ACYP2: variants seen among roughly 807,000 people sequenced by gnomAD.
ACYP2 encodes acylphosphatase 2, also known as acylphosphatase-2.
ACYP2 carries 12 observed loss-of-function variants against 11.2 expected under a neutral mutation model. The ratio of observed to expected loss-of-function variants is 1.08; its 90% CI spans 0.69 to 1.74. The LOEUF (loss-of-function observed/expected upper bound fraction) is 1.74. ACYP2 is among the 40% of genes most tolerant of loss of function. The pLI, the probability that ACYP2 is intolerant of heterozygous loss-of-function variation, is 0.00. For synonymous variants in ACYP2, 43 were observed against 32.2 expected, an observed-to-expected ratio of 1.33 and a Z score of -1.13; for missense variants, 134 against 101.9, an observed-to-expected ratio of 1.31 and a Z score of -1.35.
chr2:54,065,782 A>T (rs772478127), intron 4 of ACYP2: 1 of 327,998 alleles, frequency 3.0e-6, no homozygotes, highest in Admixed American at 4.8e-5. Flanking sequence ...ATTTAAGAGC[A>T]TTGTTTAAAT....
intron 6 of ACYP2, among the ~76,000 whole-genome samples, chr2:54,176,563 A>G (rs1209960839): frequency 1.3e-5 from 2 of 152,222 alleles, no homozygotes; most frequent in Admixed American, 1.3e-4. Flanking sequence ...GGAACAACAG[A>G]AAATTAGTTT....
At chr2:54,000,106 C>G (rs1186011868) in intron 2 of ACYP2, among the ~76,000 whole-genome samples, 1 of 151,438 alleles carries the variant, frequency 6.6e-6, no homozygotes, top group Non-Finnish European at 1.5e-5. Context: ...TTTCTATATA[C>G]TTATTTCTAT....
chr2:54,244,037 AATT>A (rs1686842981), intron 6 of ACYP2, among the ~76,000 whole-genome samples: 1 of 151,668 alleles, frequency 6.6e-6, no homozygotes, highest in Non-Finnish European at 1.5e-5. Flanking sequence ...CTAGTATTTT[AATT>A]ATTTCATTTT....
intron 4 of ACYP2, among the ~76,000 whole-genome samples, chr2:54,111,334 C>T (rs1679448844): frequency 6.6e-6 from 1 of 152,074 alleles, no homozygotes. Flanking sequence ...TTCCCATTTT[C>T]AGCTAGGTAG....
intron 6 of ACYP2, among the ~76,000 whole-genome samples, chr2:54,177,595 G>C (rs1489607505): frequency 1.8e-5 from 2 of 112,966 alleles, no homozygotes; most frequent in Non-Finnish European, 3.2e-5. Context: ...TTTTTTTTCT[G>C]GAAACGGAGT....
chr2:54,191,974 T>A (rs960659627), intron 6 of ACYP2, among the ~76,000 whole-genome samples: 1 of 152,208 alleles, frequency 6.6e-6, no homozygotes, highest in African/African-American at 2.4e-5. Flanking sequence ...ACCCAATACA[T>A]ATTTATTGAG....
chr2:54,115,870 C>G, intron 4 of ACYP2, 114 bp downstream of exon 1: 1 of 1,310,088 alleles, frequency 7.6e-7, no homozygotes, highest in African/African-American at 1.6e-5. Flanking sequence ...CTGGGACTTC[C>G]GCTCCGCCAT....
At chr2:54,049,859 A>G (rs1675740284) in intron 2 of ACYP2, among the ~76,000 whole-genome samples, 1 of 152,180 alleles carries the variant, frequency 6.6e-6, no homozygotes, top group Non-Finnish European at 1.5e-5. Context: ...ACTTTTTGCC[A>G]AGCTTATCTT....
At chr2:54,276,246 C>T (rs575483697) in intron 6 of ACYP2, among the ~76,000 whole-genome samples, 6 of 152,208 alleles carry the variant, frequency 3.9e-5, no homozygotes, top group Admixed American at 2.6e-4. Flanking sequence ...TGGCCATTGT[C>T]CCAATAGCAT....
intron 4 of ACYP2, among the ~76,000 whole-genome samples, chr2:54,125,281 C>T (rs915884724): frequency 2.0e-5 from 3 of 151,960 alleles, no homozygotes; most frequent in Non-Finnish European, 4.4e-5. Flanking sequence ...TATGTATATA[C>T]TATGTGTGTT....
chr2:54,172,205 G>A (rs1240996585), intron 6 of ACYP2, among the ~76,000 whole-genome samples: 2 of 152,008 alleles, frequency 1.3e-5, no homozygotes, highest in East Asian at 1.9e-4. Flanking sequence ...GTAACAGAGC[G>A]AGACCCTGTC....
intron 6 of ACYP2, among the ~76,000 whole-genome samples, chr2:54,221,753 C>T (rs1464371051): frequency 1.3e-5 from 2 of 151,918 alleles, no homozygotes; most frequent in East Asian, 1.9e-4. Context: ...AACTCCTGAC[C>T]TCAGGTGATC....
intron 1 of ACYP2, among the ~76,000 whole-genome samples, chr2:53,972,003 T>C (rs1671157033): frequency 6.6e-6 from 1 of 152,256 alleles, no homozygotes; most frequent in African/African-American, 2.4e-5. Flanking sequence ...TGATATAATT[T>C]ACATTTTTTA....
intron 6 of ACYP2, among the ~76,000 whole-genome samples, chr2:54,218,231 C>T (rs1463227266): frequency 6.6e-6 from 1 of 152,194 alleles, no homozygotes; most frequent in Non-Finnish European, 1.5e-5. Flanking sequence ...ACATTGTCTT[C>T]TTCCTATTTG....
intron 2 of ACYP2, among the ~76,000 whole-genome samples, chr2:54,024,050 A>T (rs1412737087): frequency 6.6e-6 from 1 of 152,178 alleles, no homozygotes; most frequent in Admixed American, 6.6e-5. Context: ...TCAACAAAAT[A>T]CTAGCTAACT....
intron 4 of ACYP2, among the ~76,000 whole-genome samples, chr2:54,101,076 A>G (rs1678866214): frequency 6.6e-6 from 1 of 152,132 alleles, no homozygotes; most frequent in Non-Finnish European, 1.5e-5. Flanking sequence ...TCACCACAAC[A>G]GGGAGCTGTG....
intron 2 of ACYP2, among the ~76,000 whole-genome samples, chr2:54,044,307 A>G (rs72906721): frequency 2.0e-5 from 3 of 152,154 alleles, no homozygotes; most frequent in Admixed American, 6.5e-5. Flanking sequence ...TCAAAAGAAG[A>G]TCTACGGCTG....
chr2:54,122,702 C>G (rs1680232262), intron 4 of ACYP2, among the ~76,000 whole-genome samples: 1 of 152,166 alleles, frequency 6.6e-6, no homozygotes, highest in African/African-American at 2.4e-5. Context: ...CAGAAAGATT[C>G]TGGGAAAATT....
intron 6 of ACYP2, among the ~76,000 whole-genome samples, chr2:54,174,933 G>A (rs1452571539): frequency 1.3e-5 from 2 of 152,196 alleles, no homozygotes; most frequent in Admixed American, 6.5e-5. Context: ...CTCTTTGCCA[G>A]TATTTTATTG....
Sources: gnomAD v4.1 joint callset for allele counts (sites outside exome capture counted in the v4.1 genomes callset) on GRCh38, gnomAD v4.1.1 for gene constraint, MANE v1.5 for transcripts, NCBI Gene and HGNC (gene_info 2026-07-23, HGNC 2026-07-21) for gene names.